Variants in DNAJC11 observed in about 807,000 individuals in gnomAD.
DNAJC11 encodes dnaJ homolog subfamily C member 11.
In DNAJC11, 15 loss-of-function variants were observed where a neutral mutation model predicts 78.6. The observed-to-expected ratio is 0.19, with a 90% confidence interval of 0.13 to 0.29. The LOEUF is 0.29. Among genes scored for constraint, DNAJC11 ranks in the 10% least tolerant of loss-of-function variants. The pLI is 1.00. For synonymous variants in DNAJC11, 292 were observed against 272.1 expected, an observed-to-expected ratio of 1.07 and a Z score of -0.72; for missense variants, 547 against 709.6, an observed-to-expected ratio of 0.77 and a Z score of 2.60.
At chr1:6,658,918 G>A (rs1420857580) in intron 4 of DNAJC11, among the ~76,000 whole-genome samples, 2 of 152,172 alleles carry the variant, frequency 1.3e-5, no homozygotes, top group African/African-American at 4.8e-5. Flanking sequence ...TAGGAGCAAT[G>A]CCTGCCGGCC....
rs1204969638 is a variant in DNAJC11 at position 6,701,716 on chromosome 1, C to A, written c.72+13G>T. ...CGGCCTCAGCCCCCAGAGCGTCCAG[C>A]CGCTGGCCTCACCTCCCTGCGCACG... On this transcript the variant is annotated intron_variant, in intron 1 of 15. Coordinates refer to ENST00000377577, the MANE Select transcript of DNAJC11 (RefSeq NM_018198.4). 3 of 1,541,778 alleles carry A rather than the reference C, an allele frequency of 1.9e-6. No individual in the cohort carries two copies. The highest frequency in any genetic ancestry group is 2.9e-5 in the African/African-American group (2 of 69,792).
chr1:6,644,524 A>G (rs779436023), intron 10 of DNAJC11, 34 bp downstream of exon 10: 15 of 1,439,334 alleles, frequency 1.0e-5, no homozygotes, highest in Non-Finnish European at 1.5e-5. Context: ...GGTGACAGGC[A>G]TTCCTTGACC....
intron 4 of DNAJC11, among the ~76,000 whole-genome samples, chr1:6,662,128 G>GTTTT (rs1222028818): frequency 1.0e-4 from 14 of 137,864 alleles, no homozygotes; most frequent in East Asian, 2.1e-4. Flanking sequence ...ATTGTTTTTT[G>GTTTT]TTTTTTGTTT....
chr1:6,638,512 G>A (rs1451424184), intron 11 of DNAJC11, 148 bp from the exon 12 acceptor site: 2 of 636,444 alleles, frequency 3.1e-6, no homozygotes, highest in Non-Finnish European at 4.9e-6. Context: ...ATATTCCCAC[G>A]ACAGTCTCAG....
At chr1:6,671,591 G>A (rs1018484591) in intron 3 of DNAJC11, among the ~76,000 whole-genome samples, 7 of 148,300 alleles carry the variant, frequency 4.7e-5, no homozygotes, top group Non-Finnish European at 7.4e-5. Context: ...GAGTGCAATG[G>A]TGCAATCTCA....
At chr1:6,686,802 A>G (rs1642663817) in intron 1 of DNAJC11, among the ~76,000 whole-genome samples, 1 of 152,202 alleles carries the variant, frequency 6.6e-6, no homozygotes, top group African/African-American at 2.4e-5. Context: ...ACTTAATAAC[A>G]CCTCATATTT....
chr1:6,651,514 GTC>G lies in DNAJC11; in HGVS notation c.704+13_704+14del. The stretch of plus-strand genomic sequence containing the variant: ...CAAAGACCACCAAAGAGGAGCTGCT[GTC>G]TCTCATATTTACCATCTTGGTGTGA... On this transcript the variant is annotated intron_variant, in intron 7 of 15. Transcript: ENST00000377577. 1 of 1,611,584 alleles carries G rather than the reference GTC, an allele frequency of 6.2e-7. No homozygotes were observed. The highest frequency in any genetic ancestry group is 8.5e-7 in the Non-Finnish European group (1 of 1,177,810).
At position 6,652,179 on chromosome 1, in the gene DNAJC11, T is replaced by C. The variant is rs138168424; in HGVS notation, c.631-577A>G. Reference sequence around the variant, plus strand: ...AAGCAACTCTTCAATGTTAATTTGATGCAGCTCAATTTGCTCGGCAGAACT... The same window carrying C: ...AAGCAACTCTTCAATGTTAATTTGACGCAGCTCAATTTGCTCGGCAGAACT... On this transcript the variant is annotated intron_variant, in intron 6 of 15. Coordinates refer to ENST00000377577, the MANE Select transcript of DNAJC11 (RefSeq NM_018198.4). Among the ~76,000 whole-genome samples the C allele has an allele frequency of 5.9e-5, 9 of 152,290 alleles. No homozygotes were observed. The East Asian group carries it at 1.7e-3, about 29-fold the overall frequency.
chr1:6,690,186 G>C, intron 1 of DNAJC11, among the ~76,000 whole-genome samples: 1 of 152,222 alleles, frequency 6.6e-6, no homozygotes, highest in East Asian at 1.9e-4. Context: ...CAACATAGAA[G>C]GAAGAGGCGT....
intron 4 of DNAJC11, among the ~76,000 whole-genome samples, chr1:6,660,181 G>A (rs1642187408): frequency 6.8e-6 from 1 of 146,526 alleles, no homozygotes; most frequent in African/African-American, 2.5e-5. Flanking sequence ...TTTTGAGACA[G>A]AATCTCACTC....
chr1:6,669,454 T>A (rs1358236377), intron 3 of DNAJC11, among the ~76,000 whole-genome samples: 1 of 151,006 alleles, frequency 6.6e-6, no homozygotes, highest in Non-Finnish European at 1.5e-5. Flanking sequence ...GAGTTTGCAG[T>A]GAGCCAAGAT....
chr1:6,642,440 T>C lies in DNAJC11; in HGVS notation c.1097+2118A>G, dbSNP rs142969879. Among the ~76,000 whole-genome samples the C allele has an allele frequency of 1.6e-3, 240 of 152,058 alleles. 1 individual carries two copies. The highest frequency in any genetic ancestry group is 4.6e-3 in the African/African-American group (192 of 41,464). On this transcript the variant is annotated intron_variant, in intron 10 of 15. Transcript: ENST00000377577. ...AATTTTGGAGTACATGTTCAGGAGA[T>C]GATTTTGAGATATGTATGATTTGGA...
intron 10 of DNAJC11, among the ~76,000 whole-genome samples, chr1:6,643,407 C>G (rs895689757): frequency 6.6e-6 from 1 of 151,680 alleles, no homozygotes; most frequent in Non-Finnish European, 1.5e-5. Context: ...TCCCAAGTAG[C>G]AGAGACTACA....
chr1:6,676,676 C>T (rs922311939), intron 3 of DNAJC11, among the ~76,000 whole-genome samples: 2 of 151,476 alleles, frequency 1.3e-5, no homozygotes, highest in African/African-American at 4.9e-5. Flanking sequence ...CACGCGCGCA[C>T]TCTCTCTCAC....
At chr1:6,693,194 G>A (rs984089937) in intron 1 of DNAJC11, among the ~76,000 whole-genome samples, 27 of 151,958 alleles carry the variant, frequency 1.8e-4, no homozygotes, top group Admixed American at 1.0e-3. Flanking sequence ...ACTGTAAGGC[G>A]TGAGCCACCA....
At chr1:6,646,030 G>T in intron 7 of DNAJC11, 52 bp from the exon 8 acceptor site, 1 of 1,570,312 alleles carries the variant, frequency 6.4e-7, no homozygotes, top group Non-Finnish European at 8.7e-7. Context: ...GCTCTCAGCT[G>T]TTCTGTTACT....
chr1:6,701,809 C>T lies in DNAJC11; in HGVS notation c.-9G>A. On this transcript the variant is annotated 5_prime_UTR_variant, in exon 1 of 16. Transcript: ENST00000377577. ...CTCAAGGCCGTCGCCATCTTCGCAA[C>T]CTTTCACCCCGCCAAACCGGCAAGG... 6.4e-7 allele frequency: 1 copy of T among 1,553,802 alleles called. No individual in the cohort carries two copies. The highest frequency in any genetic ancestry group is 8.7e-7 in the Non-Finnish European group (1 of 1,152,980).
At chr1:6,699,865 T>C (rs1001771255) in intron 1 of DNAJC11, among the ~76,000 whole-genome samples, 2 of 152,200 alleles carry the variant, frequency 1.3e-5, no homozygotes, top group African/African-American at 2.4e-5. Context: ...CCCAAAGATA[T>C]TTCACTGGAC....
At chr1:6,647,947 C>T (rs534036499) in intron 7 of DNAJC11, among the ~76,000 whole-genome samples, 46 of 152,314 alleles carry the variant, frequency 3.0e-4, no homozygotes, top group Non-Finnish European at 4.6e-4. Context: ...AAACTAAATT[C>T]AATTTCCAAA....
Sources: gnomAD v4.1 joint callset for allele counts (sites outside exome capture counted in the v4.1 genomes callset) on GRCh38, gnomAD v4.1.1 for gene constraint, MANE v1.5 for transcripts, NCBI Gene and HGNC (gene_info 2026-07-23, HGNC 2026-07-21) for gene names.